Variants in PDE10A observed in about 807,000 individuals in gnomAD.
PDE10A encodes phosphodiesterase 10A, also known as cAMP and cAMP-inhibited cGMP 3',5'-cyclic phosphodiesterase 10A.
PDE10A carries 39 observed loss-of-function variants against 97.7 expected under a neutral mutation model. That is an observed-to-expected ratio of 0.40 (90% CI 0.31 to 0.52). The LOEUF is 0.52. Ranked by LOEUF, PDE10A falls within the 20% of genes least tolerant of loss-of-function variation. PDE10A has a pLI of 0.56. For missense variants in PDE10A, 731 were observed against 1,047.8 expected (o/e 0.70, Z 4.17); for synonymous variants, 371 against 376.8 (o/e 0.98, Z 0.18).
chr6:165,701,726 T>A (rs1202938385), intron 1 of PDE10A, among the ~76,000 whole-genome samples: 1 of 151,298 alleles, frequency 6.6e-6, no homozygotes, highest in Non-Finnish European at 1.5e-5. Context: ...TGTTTGCGCG[T>A]GTGTGCATGT....
At chr6:165,659,075 G>T (rs901975865) in intron 1 of PDE10A, among the ~76,000 whole-genome samples, 1 of 152,186 alleles carries the variant, frequency 6.6e-6, no homozygotes, top group African/African-American at 2.4e-5. Context: ...TTTGGTGCAT[G>T]AGTGAGCGAA....
intron 1 of PDE10A, among the ~76,000 whole-genome samples, chr6:165,703,182 A>G (rs6930604): frequency 0.021 from 3,136 of 152,242 alleles, 98 homozygotes; most frequent in African/African-American, 0.072. Flanking sequence ...ATTGGTAACA[A>G]CTTTGTTTGT....
intron 8 of PDE10A, 92 bp from the exon 9 acceptor site, chr6:165,430,437 G>A: frequency 1.3e-6 from 1 of 744,562 alleles, no homozygotes; most frequent in Non-Finnish European, 2.3e-6. Flanking sequence ...TTTATTGAAA[G>A]AAGGCCTAAC....
At chr6:165,726,436 T>C (rs950716746) in intron 1 of PDE10A, among the ~76,000 whole-genome samples, 1 of 152,080 alleles carries the variant, frequency 6.6e-6, no homozygotes, top group Admixed American at 6.6e-5. Context: ...GCATAGCTGG[T>C]TTTACAAGCA....
At chr6:165,595,994 C>T (rs1205215468) in intron 1 of PDE10A, among the ~76,000 whole-genome samples, 2 of 152,126 alleles carry the variant, frequency 1.3e-5, no homozygotes, top group African/African-American at 4.8e-5. Context: ...AAACCAAACA[C>T]CTAATACAGT....
intron 2 of PDE10A, among the ~76,000 whole-genome samples, chr6:165,502,849 T>TAC (rs1325071055): frequency 2.0e-5 from 3 of 151,760 alleles, no homozygotes; most frequent in Non-Finnish European, 4.4e-5. Flanking sequence ...GGGTGGAGGG[T>TAC]GTAGGAGGGA....
intron 16 of PDE10A, among the ~76,000 whole-genome samples, chr6:165,390,433 G>A (rs1468312869): frequency 6.6e-6 from 1 of 152,182 alleles, no homozygotes; most frequent in Non-Finnish European, 1.5e-5. Context: ...GCAAAGAAGA[G>A]CAAAGTAACA....
At chr6:165,435,713 A>G (rs1044414233) in intron 5 of PDE10A, among the ~76,000 whole-genome samples, 4 of 152,170 alleles carry the variant, frequency 2.6e-5, no homozygotes, top group South Asian at 4.1e-4. Context: ...ATCAGACCAC[A>G]AACACACACA....
chr6:165,431,964 G>T (rs1395481494), intron 7 of PDE10A, among the ~76,000 whole-genome samples: 1 of 152,092 alleles, frequency 6.6e-6, no homozygotes, highest in Non-Finnish European at 1.5e-5. Context: ...TTTCTAAAAT[G>T]TAAAAATCAT....
At chr6:165,806,042 T>TTA (rs763158035) in intron 1 of PDE10A, among the ~76,000 whole-genome samples, 1 of 73,116 alleles carries the variant, frequency 1.4e-5, no homozygotes, top group Non-Finnish European at 2.4e-5. Flanking sequence ...GCTTGATTAT[T>TTA]AAAAAAAAAA....
At chr6:165,599,275 C>T (rs1204754886) in intron 1 of PDE10A, among the ~76,000 whole-genome samples, 1 of 152,202 alleles carries the variant, frequency 6.6e-6, no homozygotes, top group Admixed American at 6.5e-5. Context: ...AAAACGTAAG[C>T]CTTCACCTTT....
rs755329253 is a variant in PDE10A at position 165,543,500 on chromosome 6, C to G, written c.934G>C (p.Glu312Gln). The change falls in exon 2 of 22, where the codon GAA (glutamate) becomes CAA (glutamine). Residue 312 changes from glutamate to glutamine, a missense_variant. This residue lies in a region of PDE10A where 181 missense variants were observed against 159.1 expected (regional missense o/e 1.14). Coordinates refer to ENST00000539869, the MANE Select transcript of PDE10A (RefSeq NM_001385079.1). ...TCTACTGTCTCTGCACTAACACTTT[C>G]AGATACAAATTCATCTAATACCTGG... ...HPQVLDEFVS[E>Q]SVSAETVEKW... 6.2e-7 allele frequency: 1 copy of G among 1,612,668 alleles called. No homozygotes were observed. Among genetic ancestry groups the G allele is most frequent in the Admixed American group, 1.7e-5 (1 of 59,918 alleles).
chr6:165,806,394 C>T (rs1021297642), intron 1 of PDE10A, among the ~76,000 whole-genome samples: 4 of 152,214 alleles, frequency 2.6e-5, no homozygotes, highest in African/African-American at 7.2e-5. Flanking sequence ...CCTAGTTTTG[C>T]CACCAGATAG....
intron 10 of PDE10A, 51 bp downstream of exon 10, chr6:165,428,607 C>T (rs747978988): frequency 1.3e-6 from 1 of 762,322 alleles, no homozygotes; most frequent in East Asian, 2.7e-5. Context: ...TATATTAGCA[C>T]CATGGGCCTA....
At chr6:165,562,758 AC>A in intron 1 of PDE10A, among the ~76,000 whole-genome samples, 1 of 152,198 alleles carries the variant, frequency 6.6e-6, no homozygotes, top group African/African-American at 2.4e-5. Context: ...GTCAGAGCCC[AC>A]CTGGCCTGGC....
intron 1 of PDE10A, among the ~76,000 whole-genome samples, chr6:165,614,679 T>C (rs920861045): frequency 2.0e-5 from 3 of 152,166 alleles, no homozygotes; most frequent in African/African-American, 7.2e-5. Flanking sequence ...TTCACTGTTG[T>C]ATTTCCAGCA....
chr6:165,663,375 G>A (rs946254317), upstream of PDE10A, among the ~76,000 whole-genome samples: 6 of 152,134 alleles, frequency 3.9e-5, no homozygotes, highest in African/African-American at 1.4e-4. Flanking sequence ...TGCACCCGGG[G>A]CCGGGGCGGG....
At chr6:165,758,616 C>CAGAAGAAGAGGA (rs529050177) in intron 1 of PDE10A, among the ~76,000 whole-genome samples, 2 of 144,176 alleles carry the variant, frequency 1.4e-5, no homozygotes, top group South Asian at 2.2e-4. Flanking sequence ...GAAGAAGCAG[C>CAGAAGAAGAGGA]AGAAGAAGAG....
intron 13 of PDE10A, among the ~76,000 whole-genome samples, chr6:165,411,171 A>G (rs921741105): frequency 1.3e-5 from 2 of 151,406 alleles, no homozygotes; most frequent in African/African-American, 4.9e-5. Flanking sequence ...ATGAGAGACA[A>G]CACTAAGGAA....
Sources: gnomAD v4.1 joint callset for allele counts (sites outside exome capture counted in the v4.1 genomes callset) on GRCh38, gnomAD v4.1.1 for gene constraint, gnomAD v4.1.1 regional missense constraint, MANE v1.5 for transcripts, NCBI Gene and HGNC (gene_info 2026-07-23, HGNC 2026-07-21) for gene names.